Variants in UNC13C observed in about 807,000 individuals in gnomAD.
The protein encoded by UNC13C is protein unc-13 homolog C.
UNC13C carries 174 observed loss-of-function variants against 245.4 expected under a neutral mutation model. The observed-to-expected ratio is 0.71, with a 90% CI of 0.63 to 0.80. UNC13C has a LOEUF of 0.80. Among genes scored for constraint, UNC13C ranks in the 30% least tolerant of loss-of-function variants. The pLI is 0.00. For missense variants in UNC13C, 2,829 were observed against 2,602.9 expected (o/e 1.09, Z -1.89); for synonymous variants, 992 against 895.1 (o/e 1.11, Z -1.93).
intron 17 of UNC13C, among the ~76,000 whole-genome samples, chr15:54,348,128 A>G (rs927434947): frequency 6.6e-6 from 1 of 152,170 alleles, no homozygotes; most frequent in East Asian, 1.9e-4. Context: ...GATTTTTACA[A>G]CTGCCTACAG....
chr15:53,945,084 C>T, the UNC13C span, among the ~76,000 whole-genome samples: 1 of 151,840 alleles, frequency 6.6e-6, no homozygotes, highest in South Asian at 2.1e-4. Context: ...CTGTTCATGT[C>T]CTTTGCCCAT....
chr15:54,145,712 T>A (rs546277831), intron 4 of UNC13C, among the ~76,000 whole-genome samples: 1 of 152,346 alleles, frequency 6.6e-6, no homozygotes, highest in African/African-American at 2.4e-5. Context: ...CATCGTGTCA[T>A]GCACCTGGAG....
In UNC13C at chr15:54,015,173, C is replaced by T. The variant is rs1172830225; in HGVS notation, c.2270C>T (p.Ser757Phe). ...CTATACCAAAATCAAAACCAGTTGT[C>T]CATGATGTATCGAAGTCAAAGTGAA... is the stretch of plus-strand genomic sequence containing the variant. ...NELYQNQNQL[S>F]MMYRSQSELQ... The change falls in exon 2 of 33, where the codon TCC becomes TTC. Residue 757 changes from serine (S) to phenylalanine (F), a missense_variant. Physicochemically the swap from Ser to Phe is radical, Grantham distance 155. Transcript: ENST00000260323. 1.9e-6 allele frequency: 3 copies of T among 1,612,564 alleles called. No individual in the cohort carries two copies. The highest frequency in any genetic ancestry group is 2.2e-5 in the South Asian group (2 of 90,836).
chr15:54,028,338 G>T (rs1334580933), intron 2 of UNC13C, among the ~76,000 whole-genome samples: 2 of 152,098 alleles, frequency 1.3e-5, no homozygotes, highest in African/African-American at 4.8e-5. Context: ...AATCTCCATT[G>T]AACATCGGAC....
intron 9 of UNC13C, among the ~76,000 whole-genome samples, 169 bp downstream of exon 9, chr15:54,264,564 G>A (rs947651417): frequency 2.0e-5 from 3 of 149,860 alleles, no homozygotes; most frequent in African/African-American, 7.4e-5. Flanking sequence ...TACTAGATAA[G>A]TGAAATAATT....
Position 54,612,525 on chromosome 15 carries a change from T to C in UNC13C, c.6107-9802T>C, listed in dbSNP as rs571676540. 2.0e-5 allele frequency among the ~76,000 whole-genome samples: 3 copies of C among 152,170 alleles called. No homozygotes were observed. The South Asian group carries it at 6.2e-4, about 32-fold the overall frequency. On this transcript the variant is annotated intron_variant, in intron 30 of 32. Coordinates refer to ENST00000260323, the MANE Select transcript of UNC13C (RefSeq NM_001080534.3). ...TGATTTGATTTCAAGTTCCAAAAGA[T>C]TTTCCACATACAGATATCAAATGAT...
intron 19 of UNC13C, among the ~76,000 whole-genome samples, chr15:54,465,838 T>A (rs1311025476): frequency 6.6e-6 from 1 of 152,064 alleles, no homozygotes. Context: ...AGGAGCATGA[T>A]GTTGCATATA....
intron 13 of UNC13C, among the ~76,000 whole-genome samples, chr15:54,311,323 G>A (rs1374840216): frequency 2.0e-5 from 3 of 151,666 alleles, no homozygotes; most frequent in Non-Finnish European, 4.4e-5. Context: ...ATCTTTAGGT[G>A]TATTAAAAAC....
At chr15:53,989,299 A>G (rs188156951) in intron 1 of UNC13C, among the ~76,000 whole-genome samples, 9 of 151,926 alleles carry the variant, frequency 5.9e-5, no homozygotes, top group African/African-American at 1.9e-4. Context: ...AAAGCTGTCA[A>G]CAAAATCTGA....
At chr15:53,852,209 C>A in the UNC13C span, among the ~76,000 whole-genome samples, 1 of 152,242 alleles carries the variant, frequency 6.6e-6, no homozygotes, top group Non-Finnish European at 1.5e-5. Context: ...TGGGGTCTGA[C>A]GCTTGGTGTG....
At position 54,511,738 on chromosome 15, in the gene UNC13C, T is replaced by C; in HGVS notation, c.5380-15T>C. 3 of 1,570,954 alleles carry C rather than the reference T, an allele frequency of 1.9e-6. No homozygotes were observed. Among genetic ancestry groups the C allele is most frequent in the Non-Finnish European group, 2.6e-6 (3 of 1,155,490 alleles). ...AAAAGATTGCTCATAATAGTCTTTT[T>C]TTCTATATTTAAAGCCCTGTATCTT... is the stretch of plus-strand genomic sequence containing the variant. On this transcript the variant is annotated splice_polypyrimidine_tract_variant and intron_variant, in intron 23 of 32. Coordinates refer to ENST00000260323, the MANE Select transcript of UNC13C (RefSeq NM_001080534.3).
In UNC13C at chr15:54,488,038, C is replaced by T. The variant is rs188002192; in HGVS notation, c.4934-6570C>T. Among the ~76,000 whole-genome samples, 139 of 152,140 alleles carry T rather than the reference C, an allele frequency of 9.1e-4. 1 individual carries two copies. The highest frequency in any genetic ancestry group is 1.5e-3 in the Non-Finnish European group (104 of 68,022). On this transcript the variant is annotated intron_variant, in intron 19 of 32. Transcript: ENST00000260323. ...CAAAGATATCCCAACATTATAAGATCTTTATAAAGTTTCTCTAAAATGGAA... is the reference window on the plus strand; with the variant it reads ...CAAAGATATCCCAACATTATAAGATTTTTATAAAGTTTCTCTAAAATGGAA...
At chr15:54,264,448 C>G in intron 9 of UNC13C, 53 bp downstream of exon 9, 2 of 1,335,008 alleles carry the variant, frequency 1.5e-6, no homozygotes, top group Non-Finnish European at 2.1e-6. Flanking sequence ...TTTTTATGTG[C>G]CCTAGAAATA....
intron 19 of UNC13C, among the ~76,000 whole-genome samples, chr15:54,448,874 G>A (rs531508829): frequency 9.9e-5 from 15 of 152,238 alleles, no homozygotes; most frequent in African/African-American, 3.6e-4. Context: ...TAGCCTCGAT[G>A]GTCTTTACAA....
At chr15:54,499,766 G>A (rs1894114647) in intron 20 of UNC13C, among the ~76,000 whole-genome samples, 1 of 152,266 alleles carries the variant, frequency 6.6e-6, no homozygotes, top group Non-Finnish European at 1.5e-5. Context: ...TGCGTTGATA[G>A]GGAAGAGAGC....
chr15:54,293,388 G>C (rs1005043322), intron 10 of UNC13C, among the ~76,000 whole-genome samples: 2 of 151,960 alleles, frequency 1.3e-5, no homozygotes, highest in Non-Finnish European at 2.9e-5. Context: ...GAAGGATTTT[G>C]CTCTAATTCT....
intron 2 of UNC13C, among the ~76,000 whole-genome samples, chr15:54,139,651 C>A (rs1232813694): frequency 6.6e-6 from 1 of 151,996 alleles, no homozygotes; most frequent in Non-Finnish European, 1.5e-5. Flanking sequence ...TATCTTTAAT[C>A]TTCATTAATT....
intron 2 of UNC13C, among the ~76,000 whole-genome samples, chr15:54,122,130 T>A (rs560625943): frequency 6.6e-6 from 1 of 152,128 alleles, no homozygotes; most frequent in East Asian, 1.9e-4. Flanking sequence ...TTGTTCCATT[T>A]TTTTTTTCTT....
chr15:54,525,545 G>A lies in UNC13C; in HGVS notation c.5458-4G>A. 6.2e-7 allele frequency: 1 copy of A among 1,610,214 alleles called. No homozygotes were observed. The highest frequency in any genetic ancestry group is 8.5e-7 in the Non-Finnish European group (1 of 1,177,880). The stretch of plus-strand genomic sequence containing the variant: ...AAGTAATATTGTTTATGGTCTCTCT[G>A]CAGCTAGATTCTGAAGCTAGTACTA... On this transcript the variant is annotated splice_region_variant and splice_polypyrimidine_tract_variant and intron_variant, in intron 24 of 32. Transcript: ENST00000260323.
Sources: gnomAD v4.1 joint callset for allele counts (sites outside exome capture counted in the v4.1 genomes callset) on GRCh38, gnomAD v4.1.1 for gene constraint, MANE v1.5 for transcripts, NCBI Gene and HGNC (gene_info 2026-07-23, HGNC 2026-07-21) for gene names.